CARMIL1: variants seen among roughly 807,000 people sequenced by gnomAD.
The protein encoded by CARMIL1 is F-actin-uncapping protein LRRC16A.
CARMIL1 carries 90 observed loss-of-function variants against 177.1 expected under a neutral mutation model. That is an observed-to-expected ratio of 0.51 (90% CI 0.43 to 0.61). The LOEUF (loss-of-function observed/expected upper bound fraction) is 0.61, where lower values mean the gene tolerates loss of function less well. CARMIL1 is among the 20% of genes least tolerant of loss of function. The pLI is 0.00. For missense variants in CARMIL1, 1,380 were observed against 1,667.0 expected (o/e 0.83, Z 3.00); for synonymous variants, 577 against 606.2 (o/e 0.95, Z 0.71).
At chr6:25,563,738 G>C (rs1274528571) in intron 29 of CARMIL1, 14 of 985,282 alleles carry the variant, frequency 1.4e-5, no homozygotes, top group Non-Finnish European at 1.6e-5. Context: ...CACCCACCAG[G>C]CTTGCTACAT....
intron 2 of CARMIL1, among the ~76,000 whole-genome samples, chr6:25,288,492 T>C (rs935396790): frequency 1.3e-5 from 2 of 151,978 alleles, no homozygotes; most frequent in African/African-American, 4.8e-5. Context: ...TTTTTTTTTT[T>C]TTTTCCGTAT....
intron 2 of CARMIL1, among the ~76,000 whole-genome samples, chr6:25,363,455 A>T (rs16890474): frequency 0.041 from 6,303 of 152,112 alleles, 335 homozygotes; most frequent in East Asian, 0.28. Flanking sequence ...CATGTTTATT[A>T]TTCAGAGCCA....
intron 26 of CARMIL1, 132 bp from the exon 27 acceptor site, chr6:25,550,778 T>G: frequency 1.3e-6 from 1 of 743,244 alleles, no homozygotes; most frequent in Non-Finnish European, 2.2e-6. Context: ...GAATTCTTGG[T>G]TGCGCTCTGG....
At chr6:25,564,580 C>T (rs996979909) in intron 29 of CARMIL1, among the ~76,000 whole-genome samples, 6 of 152,084 alleles carry the variant, frequency 3.9e-5, no homozygotes, top group Non-Finnish European at 4.4e-5. Context: ...GAGTAGTGGA[C>T]GTTCTGAGTA....
rs1304099962 is a variant in CARMIL1 at position 25,577,385 on chromosome 6, G to A, written c.2743-3539G>A. ...TTCGGGCCCAGGGTTGTAGAAAATC[G>A]ACATTATGATTTGCTTCTTATATTA... On this transcript the variant is annotated intron_variant, in intron 29 of 36. Transcript: ENST00000329474. The surrounding 1 kb of genome is among the most constrained non-coding windows in gnomAD (Gnocchi z 4.5). 1.3e-5 allele frequency among the ~76,000 whole-genome samples: 2 copies of A among 151,786 alleles called. No individual in the cohort carries two copies. The highest frequency in any genetic ancestry group is 6.6e-5 in the Admixed American group (1 of 15,222).
rs1030029279 is a variant in CARMIL1 at position 25,610,979 on chromosome 6, C to T, written c.3979+798C>T. 1.1e-4 allele frequency among the ~76,000 whole-genome samples: 17 copies of T among 152,198 alleles called. No individual in the cohort carries two copies. The East Asian group carries it at 2.5e-3, about 22-fold the overall frequency. ...AAGTCGTCTACACCCAGAAGGCTCT[C>T]GTTGTGGTTTGGAGTTGCTGTGTTT... is the stretch of plus-strand genomic sequence containing the variant. On this transcript the variant is annotated intron_variant, in intron 36 of 36. Transcript: ENST00000329474.
Position 25,517,342 on chromosome 6 carries a change from A to G in CARMIL1, c.1806-5A>G, listed in dbSNP as rs779122413. On this transcript the variant is annotated splice_polypyrimidine_tract_variant and splice_region_variant and intron_variant, in intron 21 of 36. Coordinates refer to ENST00000329474, the MANE Select transcript of CARMIL1 (RefSeq NM_017640.6). ...GATCATTTATGTGATTTGATTTTCA[A>G]ACAGGACTGTAATATGGGACAAGAA... 6.2e-7 allele frequency: 1 copy of G among 1,610,888 alleles called. No individual in the cohort carries two copies. The highest frequency in any genetic ancestry group is 8.5e-7 in the Non-Finnish European group (1 of 1,177,484).
chr6:25,488,697 A>G (rs16890655), intron 13 of CARMIL1, 112 bp downstream of exon 13: 9,431 of 846,332 alleles, frequency 0.011, 206 homozygotes, highest in East Asian at 0.059. Context: ...TTGTCATGAC[A>G]CCTTTGAATC....
At chr6:25,346,825 A>C (rs1408080827) in intron 2 of CARMIL1, among the ~76,000 whole-genome samples, 1 of 152,228 alleles carries the variant, frequency 6.6e-6, no homozygotes, top group Non-Finnish European at 1.5e-5. Flanking sequence ...TTCCCTCTTA[A>C]AGTATATTTA....
chr6:25,302,958 C>G (rs1192122430), intron 2 of CARMIL1, among the ~76,000 whole-genome samples: 8 of 152,142 alleles, frequency 5.3e-5, no homozygotes, highest in Non-Finnish European at 1.0e-4. Context: ...GTACCACTGT[C>G]TCAGGAATGT....
chr6:25,607,090 T>C (rs1816041806), intron 35 of CARMIL1, among the ~76,000 whole-genome samples: 2 of 151,770 alleles, frequency 1.3e-5, no homozygotes, highest in Admixed American at 6.6e-5. Context: ...TAGGCTGTGA[T>C]CACACTGTGA....
At chr6:25,375,628 C>T (rs1023975524) in intron 2 of CARMIL1, among the ~76,000 whole-genome samples, 1 of 152,200 alleles carries the variant, frequency 6.6e-6, no homozygotes, top group Non-Finnish European at 1.5e-5. Context: ...ACCATTGATT[C>T]TAAGGCTTGA....
At chr6:25,301,424 T>C (rs974113448) in intron 2 of CARMIL1, among the ~76,000 whole-genome samples, 1 of 152,180 alleles carries the variant, frequency 6.6e-6, no homozygotes, top group Non-Finnish European at 1.5e-5. Context: ...CAGTATGTTT[T>C]AGTTTTCTAG....
intron 2 of CARMIL1, among the ~76,000 whole-genome samples, chr6:25,405,560 G>A (rs1379982306): frequency 2.6e-5 from 4 of 152,200 alleles, no homozygotes; most frequent in Non-Finnish European, 5.9e-5. Context: ...GATCGTAAGA[G>A]CTGCAGAATT....
chr6:25,515,556 G>A lies in CARMIL1; in HGVS notation c.1633-119G>A. 1 of 910,444 alleles carries A rather than the reference G, an allele frequency of 1.1e-6. No homozygotes were observed. The allele number at this position is 910,444 out of a possible 1,614,324, so 56.4% of individuals were successfully genotyped here. ...ATCCACGAGTGTCTTTTAGGTAGTA[G>A]TTCTAAAATCAGACACGTGCAGTAG... On this transcript the variant is annotated intron_variant, in intron 20 of 36. Transcript: ENST00000329474. The surrounding 1 kb of genome is among the most constrained non-coding windows in gnomAD (Gnocchi z 5.0).
At chr6:25,450,765 TTCCTCCCTC>T (rs1798720039) in intron 8 of CARMIL1, 54 bp downstream of exon 8, 3 of 387,022 alleles carry the variant, frequency 7.8e-6, no homozygotes, top group African/African-American at 5.6e-5. Context: ...CCTCCCTCCC[TTCCTCCCTC>T]CCCTCCCTCC....
chr6:25,538,045 T>G lies in CARMIL1; in HGVS notation c.2196+62T>G, dbSNP rs534828094. 8 of 1,494,278 alleles carry G rather than the reference T, an allele frequency of 5.4e-6. No homozygotes were observed. The African/African-American group carries it at 1.1e-4, about 21-fold the overall frequency. 92.6% of individuals were successfully genotyped at this position (1,494,278 alleles called of 1,614,324 possible). A position where few individuals can be genotyped will look rare whatever the true frequency, so the allele number is the denominator to read the frequency against. On this transcript the variant is annotated intron_variant, in intron 25 of 36. Transcript: ENST00000329474. ...AATAAAAACGTTTCATAAAATTTAGTTTTAGAAACCAGTTTCAACTTTCTC... is the reference window on the plus strand; with the variant it reads ...AATAAAAACGTTTCATAAAATTTAGGTTTAGAAACCAGTTTCAACTTTCTC...
chr6:25,597,518 G>A (rs966778039), intron 32 of CARMIL1, among the ~76,000 whole-genome samples: 1 of 151,942 alleles, frequency 6.6e-6, no homozygotes, highest in African/African-American at 2.4e-5. Context: ...TCCTTTCACT[G>A]ACTTATCTCC....
chr6:25,442,811 G>A (rs12193510), intron 5 of CARMIL1, among the ~76,000 whole-genome samples: 15,386 of 152,212 alleles, frequency 0.1, 864 homozygotes, highest in East Asian at 0.2. Flanking sequence ...GGTTCGCACA[G>A]ATGTCTCCCC....
Sources: allele counts gnomAD v4.1 joint callset (sites outside exome capture counted in the v4.1 genomes callset), GRCh38; gene constraint gnomAD v4.1.1; non-coding constraint Gnocchi (gnomAD v3.1); transcripts MANE v1.5; gene names NCBI Gene and HGNC (gene_info 2026-07-23, HGNC 2026-07-21).